The following GTF2F1 variants were observed in gnomAD, a reference collection of about 807,000 sequenced individuals.
The protein encoded by GTF2F1 is general transcription factor IIF 74 kDa subunit.
GTF2F1 carries 39 observed loss-of-function variants against 63.5 expected under a neutral mutation model. The ratio of observed to expected loss-of-function variants is 0.61; its 90% CI spans 0.48 to 0.80. The LOEUF (loss-of-function observed/expected upper bound fraction) is 0.80, where lower values mean the gene tolerates loss of function less well. GTF2F1 is among the 30% of genes least tolerant of loss of function. GTF2F1 has a pLI of 0.00. For missense variants in GTF2F1, 657 were observed against 718.3 expected, an observed-to-expected ratio of 0.91 and a Z score of 0.97; for synonymous variants, 287 against 285.3, an observed-to-expected ratio of 1.01 and a Z score of -0.06.
At position 6,381,779 on chromosome 19, in the gene GTF2F1, CCTT is replaced by C. The variant is rs772049420; in HGVS notation, c.751_753del (p.Lys251del). 1.2e-4 allele frequency: 191 copies of C among 1,610,332 alleles called. No individual in the cohort carries two copies. Among genetic ancestry groups the C allele is most frequent in the African/African-American group, 8.8e-4 (66 of 74,996 alleles). ...TCCTCGAAGGCCTCGTCGTCTGAAC[CCTT>C]CTTCTTCTTCTTTTTCCTGCCGCCC... On this transcript the variant is annotated inframe_deletion, in exon 7 of 13. Coordinates refer to ENST00000394456, the MANE Select transcript of GTF2F1 (RefSeq NM_002096.3). This position sits in a 1 kb window ranked among gnomAD's most constrained non-coding sequence, Gnocchi z 4.1.
rs938013447 is a variant in GTF2F1, at chr19:6,391,452, T to G, written c.132+450A>C. Among the ~76,000 whole-genome samples the G allele has an allele frequency of 1.9e-4, 26 of 137,200 alleles. No homozygotes were observed. The East Asian group carries it at 2.7e-3, about 14-fold the overall frequency. The allele number at this position is 137,200 out of a possible 152,430, so 90.0% of individuals were successfully genotyped here. A position where few individuals can be genotyped will look rare whatever the true frequency, so the allele number is the denominator to read the frequency against. ...TTTGCCATTTCCGTTTTTTTTTTTTTTTTTTTTTTTTTTTTTTTGAGGCAG... is the reference window on the plus strand; with the variant it reads ...TTTGCCATTTCCGTTTTTTTTTTTTGTTTTTTTTTTTTTTTTTTGAGGCAG... On this transcript the variant is annotated intron_variant, in intron 3 of 12. Coordinates refer to ENST00000394456, the MANE Select transcript of GTF2F1 (RefSeq NM_002096.3).
At chr19:6,390,617 A>C (rs1725577537) in intron 3 of GTF2F1, among the ~76,000 whole-genome samples, 1 of 151,666 alleles carries the variant, frequency 6.6e-6, no homozygotes, top group Non-Finnish European at 1.5e-5. Flanking sequence ...ATTTCCTAAA[A>C]ATAAAAAGGC....
chr19:6,387,613 C>CCT lies in GTF2F1; in HGVS notation c.327-55_327-54insAG. Reference sequence around the variant, plus strand: ...CCATAGGGACCAGCCCCAGCCCCCCCGTGTCCCCCCGGGGCCTGCCTCCTT... The same window carrying CCT: ...CCATAGGGACCAGCCCCAGCCCCCCCCTGTGTCCCCCCGGGGCCTGCCTCCTT... On this transcript the variant is annotated intron_variant, in intron 4 of 12. Coordinates refer to ENST00000394456, the MANE Select transcript of GTF2F1 (RefSeq NM_002096.3). 4.9e-6 allele frequency: 7 copies of CCT among 1,442,750 alleles called. No individual in the cohort carries two copies. In the South Asian group the frequency reaches 8.2e-5, roughly 17 times the overall value. 89.4% of individuals were successfully genotyped at this position (1,442,750 alleles called of 1,614,324 possible).
chr19:6,389,461 G>A lies in GTF2F1; in HGVS notation c.309C>T (p.Asn103=), dbSNP rs376084679. ...PEDQPWLLRV[N]GKSGRKFKGI... is the part of the protein sequence containing the mutation. Reference sequence around the variant, plus strand: ...CCACTTACTTCCTGCCTGATTTGCCGTTGACCCGGAGCAGCCAGGGCTGGT... The same window carrying A: ...CCACTTACTTCCTGCCTGATTTGCCATTGACCCGGAGCAGCCAGGGCTGGT... Residue 103 remains asparagine (N), a synonymous_variant, in exon 4 of 13, where the codon AAC becomes AAT. Coordinates refer to ENST00000394456, the MANE Select transcript of GTF2F1 (RefSeq NM_002096.3). The A allele has an allele frequency of 2.5e-5, 40 of 1,613,652 alleles. No homozygotes were observed. The highest frequency in any genetic ancestry group is 4.0e-5 in the African/African-American group (3 of 74,914).
intron 5 of GTF2F1, among the ~76,000 whole-genome samples, chr19:6,385,546 C>G (rs1421081295): frequency 6.6e-6 from 1 of 152,100 alleles, no homozygotes; most frequent in Non-Finnish European, 1.5e-5. Context: ...AACCTGCCCC[C>G]CCAGCAATGA....
At chr19:6,388,494 A>G (rs1321961514) in intron 4 of GTF2F1, among the ~76,000 whole-genome samples, 1 of 152,026 alleles carries the variant, frequency 6.6e-6, no homozygotes, top group Non-Finnish European at 1.5e-5. Flanking sequence ...TCATCAACCT[A>G]ACCTGGACCC....
rs200284295 is a variant in GTF2F1, at chr19:6,380,651, C to T, written c.1271G>A (p.Arg424Gln). The T allele has an allele frequency of 2.7e-5, 43 of 1,613,578 alleles. No homozygotes were observed. Among genetic ancestry groups the T allele is most frequent in the African/African-American group, 5.3e-5 (4 of 75,022 alleles). The change falls in exon 12 of 13, where the codon CGG (arginine) becomes CAG (glutamine). Residue 424 changes from arginine to glutamine, a missense_variant. Arg to Gln is a conservative substitution (Grantham distance 43). This residue lies in a region of GTF2F1 where 602 missense variants were observed against 625.6 expected (regional missense o/e 0.96). Transcript: ENST00000394456. This position sits in a 1 kb window ranked among gnomAD's most constrained non-coding sequence, Gnocchi z 5.3. Reference protein sequence around the residue: ...VSEMPAAKRLRLDTGPQSLSG... With the variant: ...VSEMPAAKRLQLDTGPQSLSG... ...CAGGCTCTGGGGTCCCGTGTCCAGC[C>T]GCAACCGCTTGGCTGCAGGCATCTC...
At chr19:6,385,779 G>A (rs2091971784) in intron 5 of GTF2F1, among the ~76,000 whole-genome samples, 2 of 152,146 alleles carry the variant, frequency 1.3e-5, no homozygotes, top group African/African-American at 4.8e-5. Flanking sequence ...TAAAACCAAA[G>A]AAAATGATTA....
rs17625356 is a variant in GTF2F1, at chr19:6,380,458, C to T, written c.1377G>A (p.Val459=). 30,862 of 1,613,992 alleles carry T rather than the reference C, an allele frequency of 0.019. 425 individuals carry two copies. The highest frequency in any genetic ancestry group is 0.063 in the Middle Eastern group (380 of 6,062). Residue 459 remains valine, a synonymous_variant, in exon 13 of 13, where the codon GTG becomes GTA. Coordinates refer to ENST00000394456, the MANE Select transcript of GTF2F1 (RefSeq NM_002096.3). This position sits in a 1 kb window ranked among gnomAD's most constrained non-coding sequence, Gnocchi z 5.3. The part of the protein sequence containing the change: ...SGDVQVTEDA[V]RRYLTRKPMT... Reference sequence around the variant, plus strand: ...TGGGCTTCCGTGTCAGGTAGCGGCGCACGGCATCCTCAGTCACCTGCACGT... The same window carrying T: ...TGGGCTTCCGTGTCAGGTAGCGGCGTACGGCATCCTCAGTCACCTGCACGT...
intron 6 of GTF2F1, among the ~76,000 whole-genome samples, chr19:6,382,962 C>T (rs1233219295): frequency 2.0e-5 from 3 of 152,078 alleles, no homozygotes; most frequent in South Asian, 2.1e-4. Flanking sequence ...AGTCCAGTGG[C>T]GTGATCTCGG....
chr19:6,382,925 G>A (rs1568329711), intron 6 of GTF2F1, among the ~76,000 whole-genome samples: 2 of 152,088 alleles, frequency 1.3e-5, no homozygotes, highest in East Asian at 3.9e-4. Context: ...TCTCTGAGAC[G>A]GAGTCTCTCT....
rs754448801 is a variant in GTF2F1 at position 6,381,819 on chromosome 19, C to T, written c.714G>A (p.Ala238=). ...TTTTCCTGCCGCCCTTGGCCAGCGG[C>T]GCCTTCTTCTTGGCCTTGGGGACTC... is the stretch of plus-strand genomic sequence containing the variant. The part of the protein sequence containing the change: ...GGRVPKAKKK[A]PLAKGGRKKK... Residue 238 remains alanine, a synonymous_variant, in exon 7 of 13, where the codon GCG becomes GCA. Transcript: ENST00000394456. This position sits in a 1 kb window ranked among gnomAD's most constrained non-coding sequence, Gnocchi z 4.1. The T allele has an allele frequency of 1.3e-4, 214 of 1,613,396 alleles. 1 individual carries two copies. The highest frequency in any genetic ancestry group is 1.6e-4 in the Non-Finnish European group (193 of 1,179,980).
rs34220695 is a variant in GTF2F1, at chr19:6,383,384, G to C, written c.609C>G (p.Ser203Arg). ...CCTCCAGGTCGTGGATGCGCAGCTC[G>C]CTCGCCTTCCTGCGGCCACGTTTCT... The part of the protein sequence containing the change: ...EKEKRGRRKA[S>R]ELRIHDLEDD... Residue 203 changes from serine to arginine, a missense_variant, in exon 6 of 13, where the codon AGC (serine) becomes AGG (arginine). By Grantham distance (110) the Ser-to-Arg change is moderately radical (BLOSUM62 -1). Coordinates refer to ENST00000394456, the MANE Select transcript of GTF2F1 (RefSeq NM_002096.3). The surrounding 1 kb of genome is among the most constrained non-coding windows in gnomAD (Gnocchi z 4.5). The C allele has an allele frequency of 1.2e-6, 2 of 1,614,056 alleles. No individual in the cohort carries two copies. Among genetic ancestry groups the C allele is most frequent in the African/African-American group, 2.7e-5 (2 of 74,954 alleles).
intron 3 of GTF2F1, 76 bp from the exon 4 acceptor site, chr19:6,389,713 C>T: frequency 7.3e-7 from 1 of 1,371,980 alleles, no homozygotes; most frequent in Non-Finnish European, 1.0e-6. Flanking sequence ...GAACGCCCTT[C>T]CTTGCCCTAG....
Position 6,387,606 on chromosome 19 carries a change from G to GC in GTF2F1, c.327-48dup, listed in dbSNP as rs746748912. 58 of 1,480,632 alleles carry GC rather than the reference G, an allele frequency of 3.9e-5. 2 individuals carry two copies. The highest frequency in any genetic ancestry group is 5.2e-5 in the Admixed American group (3 of 57,304). The allele number at this position is 1,480,632 out of a possible 1,614,324, so 91.7% of individuals were successfully genotyped here. ...GCCTGGCCCATAGGGACCAGCCCCAGCCCCCCCGTGTCCCCCCGGGGCCTG... is the reference window on the plus strand; with the variant it reads ...GCCTGGCCCATAGGGACCAGCCCCAGCCCCCCCCGTGTCCCCCCGGGGCCTG... On this transcript the variant is annotated intron_variant, in intron 4 of 12. Coordinates refer to ENST00000394456, the MANE Select transcript of GTF2F1 (RefSeq NM_002096.3).
chr19:6,381,794 T>TC lies in GTF2F1; in HGVS notation c.738_739insG (p.Lys247GlufsTer17), dbSNP rs766393384. 1.2e-6 allele frequency: 2 copies of TC among 1,613,882 alleles called. No individual in the cohort carries two copies. Among genetic ancestry groups the TC allele is most frequent in the Non-Finnish European group, 1.7e-6 (2 of 1,180,008 alleles). Reference sequence around the variant, plus strand: ...TCGTCTGAACCCTTCTTCTTCTTCTTTTTCCTGCCGCCCTTGGCCAGCGGC... The same window carrying TC: ...TCGTCTGAACCCTTCTTCTTCTTCTTCTTTCCTGCCGCCCTTGGCCAGCGGC... On this transcript the variant is annotated frameshift_variant, in exon 7 of 13. Coordinates refer to ENST00000394456, the MANE Select transcript of GTF2F1 (RefSeq NM_002096.3). LOFTEE classifies it high-confidence loss of function. The surrounding 1 kb of genome is among the most constrained non-coding windows in gnomAD (Gnocchi z 4.1).
At chr19:6,391,512 G>A (rs1164855139) in intron 3 of GTF2F1, among the ~76,000 whole-genome samples, 2 of 135,806 alleles carry the variant, frequency 1.5e-5, no homozygotes, top group Non-Finnish European at 3.1e-5. Flanking sequence ...GAGTGCAGTC[G>A]TACAATCATA....
chr19:6,391,261 G>A (rs2091995881), intron 3 of GTF2F1, among the ~76,000 whole-genome samples: 1 of 151,980 alleles, frequency 6.6e-6, no homozygotes, highest in Non-Finnish European at 1.5e-5. Flanking sequence ...CTGATGGCAG[G>A]GGCTCTGGGA....
chr19:6,387,807 G>A (rs1341211457), intron 4 of GTF2F1, among the ~76,000 whole-genome samples: 2 of 150,778 alleles, frequency 1.3e-5, no homozygotes, highest in Non-Finnish European at 3.0e-5. Context: ...AAGACTGTGT[G>A]AGATTATCTC....
Sources: gnomAD v4.1 joint callset for allele counts (sites outside exome capture counted in the v4.1 genomes callset) on GRCh38, gnomAD v4.1.1 for gene constraint, gnomAD v4.1.1 regional missense constraint, Gnocchi (gnomAD v3.1) non-coding constraint, MANE v1.5 for transcripts, NCBI Gene and HGNC (gene_info 2026-07-23, HGNC 2026-07-21) for gene names.